Variants in TMEM176A observed in about 807,000 individuals in gnomAD.
The protein encoded by TMEM176A is transmembrane protein 176A, also known as hepatocellular carcinoma-associated antigen 112.
In TMEM176A, 20 loss-of-function variants were observed where a neutral mutation model predicts 27.9. The observed-to-expected ratio is 0.72, with a 90% confidence interval of 0.50 to 1.04. The LOEUF is 1.04. TMEM176A is among the 50% of genes least tolerant of loss of function. TMEM176A has a pLI of 0.00. For synonymous variants in TMEM176A, 125 were observed against 118.0 expected (o/e 1.06, Z -0.38); for missense variants, 252 against 289.1 (o/e 0.87, Z 0.93).
chr7:150,802,076 T>TTTCCC, intron 2 of TMEM176A, 139 bp from the exon 3 acceptor site: 1 of 578,842 alleles, frequency 1.7e-6, no homozygotes, highest in Non-Finnish European at 3.1e-6. Flanking sequence ...TTCTTCTCCT[T>TTTCCC]TTCTCTTCTC....
At chr7:150,802,400 C>A in intron 3 of TMEM176A, 75 bp downstream of exon 3, 3 of 1,280,884 alleles carry the variant, frequency 2.3e-6, no homozygotes, top group Non-Finnish European at 3.4e-6. Context: ...CTTCCTCCAA[C>A]ATGGCGCCAC....
chr7:150,801,087 G>A (rs1442977377), intron 1 of TMEM176A: 13 of 705,606 alleles, frequency 1.8e-5, no homozygotes, highest in South Asian at 6.4e-5. Context: ...GGCGGTGGCG[G>A]GGATGGGGGT....
intron 2 of TMEM176A, 23 bp downstream of exon 2, chr7:150,801,747 TCG>T (rs1563048611): frequency 6.7e-7 from 1 of 1,481,880 alleles, no homozygotes; most frequent in Non-Finnish European, 8.9e-7. Flanking sequence ...GCCTGCCTCG[TCG>T]GGCGGCGGGA....
intron 4 of TMEM176A, 21 bp downstream of exon 4, chr7:150,803,477 G>A (rs2116740577): frequency 6.3e-7 from 1 of 1,584,788 alleles, no homozygotes; most frequent in Non-Finnish European, 8.6e-7. Context: ...GGAAGGGCAT[G>A]GGAGGGGACC....
In TMEM176A at chr7:150,801,583, G is replaced by A. The variant is rs1223380134; in HGVS notation, c.33G>A (p.Pro11=). 2.5e-6 allele frequency: 4 copies of A among 1,610,372 alleles called. No homozygotes were observed. The highest frequency in any genetic ancestry group is 1.7e-5 in the Admixed American group (1 of 58,952). The change falls in exon 2 of 7, where the codon CCG becomes CCA. Residue 11 remains proline (P), a synonymous_variant. Coordinates refer to ENST00000004103, the MANE Select transcript of TMEM176A (RefSeq NM_018487.3). ...CAGCCGACAGTGATGAGATGGCCCC[G>A]GAGGCCCCACAGCACACCCACATCG... MGTADSDEMA[P]EAPQHTHIDV...
intron 6 of TMEM176A, 165 bp from the exon 7 acceptor site, chr7:150,804,662 A>T (rs1018917652): frequency 2.2e-6 from 2 of 889,214 alleles, no homozygotes; most frequent in Non-Finnish European, 3.5e-6. Context: ...AGTGGCCCCC[A>T]AGTCAAAGAG....
intron 2 of TMEM176A, 26 bp from the exon 3 acceptor site, chr7:150,802,189 G>A (rs374919241): frequency 7.5e-5 from 121 of 1,606,298 alleles, no homozygotes; most frequent in Middle Eastern, 3.3e-4. Flanking sequence ...CCTAGGAGCC[G>A]GGATCTTGGG....
intron 6 of TMEM176A, 46 bp from the exon 7 acceptor site, chr7:150,804,781 C>A (rs1584761923): frequency 6.3e-7 from 1 of 1,599,230 alleles, no homozygotes; most frequent in South Asian, 1.1e-5. Context: ...GAGACTCCGC[C>A]CTTTCTCTCC....
intron 6 of TMEM176A, 90 bp from the exon 7 acceptor site, chr7:150,804,737 C>G: frequency 7.5e-7 from 1 of 1,334,916 alleles, no homozygotes; most frequent in Non-Finnish European, 1.1e-6. Flanking sequence ...GCTGCTGATT[C>G]TGGTAGCTCC....
chr7:150,804,503 T>G, intron 6 of TMEM176A, 31 bp downstream of exon 6: 2 of 1,577,784 alleles, frequency 1.3e-6, no homozygotes, highest in Non-Finnish European at 1.7e-6. Flanking sequence ...CCTGTGTATT[T>G]GGGGCAGTGG....
Sources: allele counts gnomAD v4.1 joint callset, GRCh38; gene constraint gnomAD v4.1.1; transcripts MANE v1.5; gene names NCBI Gene and HGNC (gene_info 2026-07-23, HGNC 2026-07-21).